The following DAO variants were observed in gnomAD, a reference collection of about 807,000 sequenced individuals.
DAO encodes D-amino-acid oxidase.
In DAO, 51 loss-of-function variants were observed where a neutral mutation model predicts 50.1. That is an observed-to-expected ratio of 1.02 (90% confidence interval 0.81 to 1.29). DAO has a LOEUF of 1.29. Among genes scored for constraint, DAO ranks in the 50% most tolerant of loss-of-function variants. DAO has a pLI of 0.00. For missense variants in DAO, 436 were observed against 439.4 expected (o/e 0.99, Z 0.07); for synonymous variants, 160 against 166.2 (o/e 0.96, Z 0.29).
intron 5 of DAO, 87 bp from the exon 6 acceptor site, chr12:108,892,895 G>A (rs1028711136): frequency 7.3e-6 from 9 of 1,226,082 alleles, no homozygotes; most frequent in South Asian, 1.2e-5. Flanking sequence ...GCAGAAGGTT[G>A]TTTGGGAAAG....
chr12:108,893,969 T>C (rs1445591240), intron 6 of DAO, among the ~76,000 whole-genome samples: 2 of 152,266 alleles, frequency 1.3e-5, no homozygotes, highest in East Asian at 3.9e-4. Flanking sequence ...CAACCACTTT[T>C]ATATTCAGAG....
intron 7 of DAO, among the ~76,000 whole-genome samples, 164 bp from the exon 8 acceptor site, chr12:108,896,842 C>A (rs1034766788): frequency 2.0e-5 from 3 of 152,174 alleles, no homozygotes; most frequent in African/African-American, 7.2e-5. Flanking sequence ...GCTCTTCCTG[C>A]AAGAGGCAAG....
chr12:108,889,585 C>T lies in DAO; in HGVS notation c.386+40C>T, dbSNP rs374359579. 3.3e-5 allele frequency: 50 copies of T among 1,518,596 alleles called. No individual in the cohort carries two copies. In the African/African-American group the frequency reaches 5.8e-4, roughly 17 times the overall value. 94.1% of individuals were successfully genotyped at this position (1,518,596 alleles called of 1,614,324 possible). A position where few individuals can be genotyped will look rare whatever the true frequency, so the allele number is the denominator to read the frequency against. On this transcript the variant is annotated intron_variant, in intron 4 of 10. Transcript: ENST00000228476. ...ACAGGCAAAGGGGACTGGGGCCTGA[C>T]GAGTTAGCAGACCTGTCCAGAAGGC...
intron 9 of DAO, 68 bp from the exon 10 acceptor site, chr12:108,899,309 C>A (rs992410481): frequency 7.2e-6 from 8 of 1,116,850 alleles, no homozygotes; most frequent in Non-Finnish European, 1.1e-5. Context: ...AAGCTAACTC[C>A]CTACTACCTA....
At chr12:108,896,445 G>GAAAAAAAAAAAAAAAAAAAAAAA in intron 7 of DAO, among the ~76,000 whole-genome samples, 1 of 123,344 alleles carries the variant, frequency 8.1e-6, no homozygotes, top group Admixed American at 8.7e-5. Flanking sequence ...AAAAAAAATT[G>GAAAAAAAAAAAAAAAAAAAAAAA]AAGGTTTGAA....
chr12:108,898,681 C>T lies in DAO; in HGVS notation c.698C>T (p.Thr233Ile). ...TGACCCTCCTCATTTGTATCTAGGACCCAGACAGTTACTCTTGGAGGCATC... is the reference window on the plus strand; with the variant it reads ...TGACCCTCCTCATTTGTATCTAGGATCCAGACAGTTACTCTTGGAGGCATC... The part of the protein sequence containing the change: ...IYNSPYIIPG[T>I]QTVTLGGIFQ... Residue 233 changes from threonine to isoleucine, a missense_variant and splice_region_variant, in exon 9 of 11, where the codon ACC becomes ATC. Coordinates refer to ENST00000228476, the MANE Select transcript of DAO (RefSeq NM_001917.5). The T allele has an allele frequency of 6.2e-7, 1 of 1,605,020 alleles. No individual in the cohort carries two copies. Among genetic ancestry groups the T allele is most frequent in the Non-Finnish European group, 8.5e-7 (1 of 1,171,782 alleles).
Position 108,885,126 on chromosome 12 carries a change from C to G in DAO, c.120C>G (p.Thr40=). The G allele has an allele frequency of 6.2e-7, 1 of 1,613,328 alleles. No individual in the cohort carries two copies. Among genetic ancestry groups the G allele is most frequent in the Non-Finnish European group, 8.5e-7 (1 of 1,179,374 alleles). Residue 40 remains threonine (T), a synonymous_variant, in exon 2 of 11, where the codon ACC becomes ACG. Transcript: ENST00000228476. ...LDIKVYADRF[T]PLTTTDVAAG... is the part of the protein sequence containing the mutation. ...TAAAGGTCTACGCGGACCGCTTCAC[C>G]CCACTCACCACCACCGACGTGGCTG... is the stretch of plus-strand genomic sequence containing the variant.
chr12:108,897,600 C>T (rs932758765), intron 8 of DAO, among the ~76,000 whole-genome samples: 2 of 151,800 alleles, frequency 1.3e-5, no homozygotes, highest in East Asian at 1.9e-4. Flanking sequence ...CGTGAACATT[C>T]TTTTGGATGA....
At chr12:108,884,953 G>T in intron 1 of DAO, 45 bp from the exon 2 acceptor site, 1 of 1,563,866 alleles carries the variant, frequency 6.4e-7, no homozygotes, top group Non-Finnish European at 8.8e-7. Context: ...AAGGATGATG[G>T]AGATGATGGT....
rs577719469 is a variant in DAO at position 108,898,508 on chromosome 12, A to C, written c.696-171A>C. The C allele has an allele frequency of 5.8e-4, 405 of 703,238 alleles. 3 individuals carry two copies. Among genetic ancestry groups the C allele is most frequent in the South Asian group, 5.7e-3 (382 of 66,552 alleles). 43.6% of individuals were successfully genotyped at this position (703,238 alleles called of 1,614,324 possible). ...GTTGTTGATGGAGATGACAACATTG[A>C]TGGAAGTGGTGATGGAAGAGTTCGT... On this transcript the variant is annotated intron_variant, in intron 8 of 10. Transcript: ENST00000228476.
chr12:108,891,540 G>T (rs759684866), intron 5 of DAO, among the ~76,000 whole-genome samples: 3 of 151,732 alleles, frequency 2.0e-5, no homozygotes, highest in Non-Finnish European at 4.4e-5. Flanking sequence ...TAGATTTTAG[G>T]ACCCCACTCT....
intron 2 of DAO, 43 bp downstream of exon 2, chr12:108,885,243 C>G (rs777797644): frequency 6.3e-7 from 1 of 1,584,232 alleles, no homozygotes; most frequent in Admixed American, 1.7e-5. Context: ...GCCCATGGAC[C>G]TAAGTCTGCA....
chr12:108,880,244 T>A lies in DAO; in HGVS notation c.-10+20T>A. On this transcript the variant is annotated intron_variant, in intron 1 of 10. Coordinates refer to ENST00000228476, the MANE Select transcript of DAO (RefSeq NM_001917.5). ...CTTCCGGTGAGTGGCAGATGCACCT[T>A]TGAGCTGGGGACAGGGGTTGGGAGA... The A allele has an allele frequency of 2.4e-6, 1 of 420,888 alleles. No individual in the cohort carries two copies. The highest frequency in any genetic ancestry group is 4.8e-6 in the Non-Finnish European group (1 of 206,340). The allele number at this position is 420,888 out of a possible 1,614,324, so 26.1% of individuals were successfully genotyped here.
At chr12:108,889,677 T>C in intron 4 of DAO, 132 bp downstream of exon 4, 2 of 723,342 alleles carry the variant, frequency 2.8e-6, no homozygotes, top group Admixed American at 4.0e-5. Context: ...TCCTGGTCCT[T>C]GGTCCAGCTC....
intron 2 of DAO, among the ~76,000 whole-genome samples, chr12:108,885,691 C>T (rs573275683): frequency 3.3e-5 from 5 of 152,348 alleles, no homozygotes; most frequent in South Asian, 2.1e-4. Flanking sequence ...CTTCCCTAAA[C>T]TGGGTGCCTG....
chr12:108,894,496 G>A, intron 7 of DAO, 129 bp downstream of exon 7: 1 of 794,978 alleles, frequency 1.3e-6, no homozygotes, highest in Non-Finnish European at 2.1e-6. Context: ...GCAGGGAATT[G>A]ACATGTAAAA....
chr12:108,893,105 A>C (rs2039509976), intron 6 of DAO, 69 bp downstream of exon 6: 3 of 1,446,488 alleles, frequency 2.1e-6, no homozygotes, highest in Non-Finnish European at 2.9e-6. Flanking sequence ...CTTGCTGCTG[A>C]GTCGGGGGCT....
Position 108,887,542 on chromosome 12 carries a change from A to G in DAO, c.287A>G (p.Asn96Ser), listed in dbSNP as rs2039448426. The G allele has an allele frequency of 1.2e-6, 2 of 1,613,470 alleles. No individual in the cohort carries two copies. Among genetic ancestry groups the G allele is most frequent in the Middle Eastern group, 1.7e-4 (1 of 6,060 alleles). Reference protein sequence around the residue: ...NLGLFLISGYNLFHEAIPDPS... With the variant: ...NLGLFLISGYSLFHEAIPDPS... Reference sequence around the variant, plus strand: ...GGCCTGTTCCTAATCTCGGGCTACAACCTCTTCCATGAAGCCATTCCGGTG... The same window carrying G: ...GGCCTGTTCCTAATCTCGGGCTACAGCCTCTTCCATGAAGCCATTCCGGTG... The change falls in exon 3 of 11, where the codon AAC becomes AGC. Residue 96 changes from asparagine to serine, a missense_variant. Asn to Ser is a conservative substitution (Grantham distance 46, BLOSUM62 1). Coordinates refer to ENST00000228476, the MANE Select transcript of DAO (RefSeq NM_001917.5).
intron 5 of DAO, among the ~76,000 whole-genome samples, chr12:108,890,724 A>G (rs1307793260): frequency 6.6e-6 from 1 of 152,226 alleles, no homozygotes; most frequent in African/African-American, 2.4e-5. Flanking sequence ...TCCTCATGTT[A>G]ATAGGAATCT....
Sources: allele counts gnomAD v4.1 joint callset (sites outside exome capture counted in the v4.1 genomes callset), GRCh38; gene constraint gnomAD v4.1.1; transcripts MANE v1.5; gene names NCBI Gene and HGNC (gene_info 2026-07-23, HGNC 2026-07-21).